The following ACOXL variants were observed in gnomAD, a reference collection of about 807,000 sequenced individuals.
The protein encoded by ACOXL is acyl-CoA oxidase like.
ACOXL carries 70 observed loss-of-function variants against 71.9 expected under a neutral mutation model. The observed-to-expected ratio is 0.97, with a 90% CI of 0.80 to 1.19. The LOEUF (loss-of-function observed/expected upper bound fraction) is 1.19, where lower values mean the gene tolerates loss of function less well. Among genes scored for constraint, ACOXL ranks in the 50% most tolerant of loss-of-function variants. The probability of loss-of-function intolerance (pLI) is 0.00; values close to 1 mark genes in which losing one functional copy is unlikely to be tolerated. For synonymous variants in ACOXL, 253 were observed against 281.6 expected, an observed-to-expected ratio of 0.90 and a Z score of 1.02; for missense variants, 703 against 736.3, an observed-to-expected ratio of 0.95 and a Z score of 0.52.
intron 3 of ACOXL, among the ~76,000 whole-genome samples, chr2:110,787,844 C>T (rs970995368): frequency 6.6e-6 from 1 of 152,198 alleles, no homozygotes; most frequent in African/African-American, 2.4e-5. Context: ...ATGCCCCTCT[C>T]AAGCCTTCAA....
At chr2:111,037,819 C>T (rs562924703) in intron 15 of ACOXL, among the ~76,000 whole-genome samples, 5 of 152,296 alleles carry the variant, frequency 3.3e-5, no homozygotes, top group African/African-American at 7.2e-5. Flanking sequence ...CCCCATCCAC[C>T]GCACTCTTTA....
chr2:110,956,353 C>A, intron 12 of ACOXL, among the ~76,000 whole-genome samples: 1 of 152,106 alleles, frequency 6.6e-6, no homozygotes, highest in South Asian at 2.1e-4. Context: ...GTGACAGGAT[C>A]CATGAAGGAA....
At chr2:110,922,888 AC>A (rs1170764663) in intron 11 of ACOXL, among the ~76,000 whole-genome samples, 4 of 152,174 alleles carry the variant, frequency 2.6e-5, no homozygotes, top group Admixed American at 6.5e-5. Flanking sequence ...ACTTGCCTTC[AC>A]CAGCTGTCAG....
intron 8 of ACOXL, among the ~76,000 whole-genome samples, chr2:110,802,003 G>T (rs956730658): frequency 1.8e-4 from 27 of 152,138 alleles, no homozygotes; most frequent in African/African-American, 6.5e-4. Flanking sequence ...AGAGAGAGAG[G>T]TGTCAGATTT....
chr2:110,871,389 T>C (rs1573925785), intron 10 of ACOXL, among the ~76,000 whole-genome samples: 1 of 152,124 alleles, frequency 6.6e-6, no homozygotes, highest in African/African-American at 2.4e-5. Context: ...TAGGAAATAA[T>C]ATGGAAGCAT....
Position 110,841,534 on chromosome 2 carries a change from G to T in ACOXL, c.788+129G>T. On this transcript the variant is annotated intron_variant, in intron 10 of 17. Coordinates refer to ENST00000439055, the MANE Select transcript of ACOXL (RefSeq NM_001142807.4). ...TCCTGTGATGTCCGTGTCGCAGATG[G>T]AATTGTTCTAGTTGCTTGATTGGCA... 3 of 698,036 alleles carry T rather than the reference G, an allele frequency of 4.3e-6. No individual in the cohort carries two copies. In the South Asian group the frequency reaches 5.6e-5, roughly 13 times the overall value. 43.2% of individuals were successfully genotyped at this position (698,036 alleles called of 1,614,324 possible). A position where few individuals can be genotyped will look rare whatever the true frequency, so the allele number is the denominator to read the frequency against.
At chr2:110,883,864 A>T (rs1696980383) in intron 10 of ACOXL, among the ~76,000 whole-genome samples, 1 of 152,252 alleles carries the variant, frequency 6.6e-6, no homozygotes, top group Non-Finnish European at 1.5e-5. Context: ...AGAAAAAAGT[A>T]TGTATATTAA....
At chr2:111,039,208 T>A (rs1166227196) in intron 15 of ACOXL, among the ~76,000 whole-genome samples, 2 of 152,244 alleles carry the variant, frequency 1.3e-5, no homozygotes, top group African/African-American at 4.8e-5. Flanking sequence ...ATCTCAAGTT[T>A]GATAAATCAC....
intron 15 of ACOXL, 88 bp downstream of exon 15, chr2:111,031,802 T>G: frequency 7.6e-7 from 1 of 1,324,408 alleles, no homozygotes; most frequent in Non-Finnish European, 1.1e-6. Context: ...GAAAGGACAG[T>G]CCCAACACAC....
chr2:110,859,034 G>C (rs2148970319), intron 10 of ACOXL, among the ~76,000 whole-genome samples: 1 of 152,308 alleles, frequency 6.6e-6, no homozygotes, highest in East Asian at 1.9e-4. Flanking sequence ...GACAATTAAA[G>C]GTCAAATTGC....
At chr2:110,838,905 C>T (rs1690795667) in intron 9 of ACOXL, among the ~76,000 whole-genome samples, 1 of 152,230 alleles carries the variant, frequency 6.6e-6, no homozygotes, top group Admixed American at 6.5e-5. Flanking sequence ...CTGCCAGGAG[C>T]CCTGGCTGCT....
intron 10 of ACOXL, among the ~76,000 whole-genome samples, chr2:110,881,610 C>T (rs1452703663): frequency 6.6e-6 from 1 of 152,192 alleles, no homozygotes; most frequent in Non-Finnish European, 1.5e-5. Flanking sequence ...TTATGTCTCT[C>T]CATAATCTCT....
Position 110,768,397 on chromosome 2 carries a change from C to T in ACOXL, c.8C>T (p.Ala3Val), listed in dbSNP as rs563175388. 31 of 1,613,908 alleles carry T rather than the reference C, an allele frequency of 1.9e-5. 1 individual carries two copies. The South Asian group carries it at 3.4e-4, about 18-fold the overall frequency. Reference sequence around the variant, plus strand: ...GATTTAAGCTTGGATGAAATGAGAGCTTTGACAGTTCAGAGAGTGAAGTTT... The same window carrying T: ...GATTTAAGCTTGGATGAAATGAGAGTTTTGACAGTTCAGAGAGTGAAGTTT... Reference protein sequence around the residue: MRALTVQRVKFAM... With the variant: MRVLTVQRVKFAM... Residue 3 changes from alanine (A) to valine (V), a missense_variant, in exon 2 of 18, where the codon GCT becomes GTT. By Grantham distance (64) the Ala-to-Val change is moderately conservative. Transcript: ENST00000439055.
intron 10 of ACOXL, among the ~76,000 whole-genome samples, chr2:110,846,787 TG>T (rs540315504): frequency 5.3e-5 from 8 of 150,090 alleles, no homozygotes; most frequent in East Asian, 2.0e-4. Context: ...GTGTGTGTGT[TG>T]GGGGGGGTGT....
intron 2 of ACOXL, among the ~76,000 whole-genome samples, chr2:110,770,888 AT>A (rs1395080410): frequency 6.6e-6 from 1 of 152,166 alleles, no homozygotes; most frequent in Non-Finnish European, 1.5e-5. Context: ...AGGCTTGCTA[AT>A]TGCAGCCCGA....
At position 110,798,579 on chromosome 2, in the gene ACOXL, G is replaced by A. The variant is rs562706303; in HGVS notation, c.346-31G>A. 1.1e-4 allele frequency: 180 copies of A among 1,571,424 alleles called. 2 individuals carry two copies. The South Asian group carries it at 1.8e-3, about 16-fold the overall frequency. ...GGAGTTGAAATGAGCCATGGGAAGG[G>A]AAACACTGTTGCTCTGCTTTTTCTG... On this transcript the variant is annotated intron_variant, in intron 5 of 17. Coordinates refer to ENST00000439055, the MANE Select transcript of ACOXL (RefSeq NM_001142807.4).
chr2:110,912,836 G>A (rs1329993744), intron 11 of ACOXL, among the ~76,000 whole-genome samples: 1 of 152,088 alleles, frequency 6.6e-6, no homozygotes, highest in Non-Finnish European at 1.5e-5. Flanking sequence ...ATAGGAGAAA[G>A]TATTTTCAAA....
At chr2:110,956,063 GT>G in intron 12 of ACOXL, among the ~76,000 whole-genome samples, 1 of 151,400 alleles carries the variant, frequency 6.6e-6, no homozygotes, top group East Asian at 2.0e-4. Context: ...AGCCTCCTGA[GT>G]AGCTGGGATT....
chr2:110,973,861 AAACTT>A (rs2062326285), intron 12 of ACOXL, among the ~76,000 whole-genome samples: 1 of 152,172 alleles, frequency 6.6e-6, no homozygotes, highest in Non-Finnish European at 1.5e-5. Flanking sequence ...TCTGGGAAGA[AAACTT>A]AACAGCCTGG....
Sources: allele counts gnomAD v4.1 joint callset (sites outside exome capture counted in the v4.1 genomes callset), GRCh38; gene constraint gnomAD v4.1.1; transcripts MANE v1.5; gene names NCBI Gene and HGNC (gene_info 2026-07-23, HGNC 2026-07-21).